Variants in CFAP299 observed in about 807,000 individuals in gnomAD.
CFAP299 encodes the protein cilia and flagella associated protein 299.
A neutral mutation model predicts 27.0 loss-of-function variants in CFAP299; 21 were observed. That is an observed-to-expected ratio of 0.78 (90% confidence interval 0.55 to 1.12). The LOEUF is 1.12. CFAP299 is among the 50% of genes most tolerant of loss of function. The pLI, the probability that CFAP299 is intolerant of heterozygous loss-of-function variation, is 0.00. For missense variants in CFAP299, 310 were observed against 276.6 expected, an observed-to-expected ratio of 1.12 and a Z score of -0.86; for synonymous variants, 104 against 98.1, an observed-to-expected ratio of 1.06 and a Z score of -0.36.
chr4:80,633,771 AT>A (rs1739338684), intron 3 of CFAP299, among the ~76,000 whole-genome samples: 1 of 152,150 alleles, frequency 6.6e-6, no homozygotes, highest in Admixed American at 6.5e-5. Flanking sequence ...TGGGAAAATA[AT>A]TTATTGCTTT....
At chr4:80,431,164 C>T (rs1727796625) in intron 2 of CFAP299, among the ~76,000 whole-genome samples, 1 of 152,174 alleles carries the variant, frequency 6.6e-6, no homozygotes, top group Admixed American at 6.5e-5. Context: ...TTGCTACCTC[C>T]TTCCTCTACT....
At chr4:80,489,291 G>T (rs1730992645) in intron 2 of CFAP299, among the ~76,000 whole-genome samples, 1 of 152,140 alleles carries the variant, frequency 6.6e-6, no homozygotes, top group African/African-American at 2.4e-5. Flanking sequence ...TGAAATGGCT[G>T]CAGCTTCTCA....
chr4:80,475,087 G>A (rs1241862523), intron 2 of CFAP299, among the ~76,000 whole-genome samples: 1 of 152,120 alleles, frequency 6.6e-6, no homozygotes, highest in Non-Finnish European at 1.5e-5. Flanking sequence ...AGTAAGTGTG[G>A]CCTGTTGGGG....
rs1011352948 is a variant in CFAP299 at position 80,767,130 on chromosome 4, A to G, written c.334-102863A>G. Among the ~76,000 whole-genome samples the G allele has an allele frequency of 4.5e-4, 69 of 152,250 alleles. 1 individual carries two copies. The highest frequency in any genetic ancestry group is 1.6e-3 in the African/African-American group (67 of 41,550). On this transcript the variant is annotated intron_variant, in intron 3 of 5. Coordinates refer to ENST00000358105, the MANE Select transcript of CFAP299 (RefSeq NM_152770.3). ...ATATACAAATACATACAAAATACAT[A>G]CATTGTATGTATTTTCCTCTATGTA...
intron 3 of CFAP299, among the ~76,000 whole-genome samples, chr4:80,698,143 G>A (rs1276119324): frequency 6.6e-6 from 1 of 152,142 alleles, no homozygotes; most frequent in African/African-American, 2.4e-5. Context: ...TCCTAGTTAT[G>A]TATGACTCTG....
At chr4:80,833,716 CA>C (rs1246455945) in intron 3 of CFAP299, among the ~76,000 whole-genome samples, 2 of 152,190 alleles carry the variant, frequency 1.3e-5, no homozygotes, top group African/African-American at 4.8e-5. Flanking sequence ...TGCAAGTAAA[CA>C]GTGGAATCTA....
At chr4:80,785,473 A>G (rs1274071398) in intron 3 of CFAP299, among the ~76,000 whole-genome samples, 1 of 152,176 alleles carries the variant, frequency 6.6e-6, no homozygotes, top group East Asian at 1.9e-4. Flanking sequence ...CCAGAATTTC[A>G]ATAGATACTC....
intron 2 of CFAP299, among the ~76,000 whole-genome samples, chr4:80,459,679 G>A (rs1411050333): frequency 1.3e-5 from 2 of 152,074 alleles, no homozygotes; most frequent in Non-Finnish European, 2.9e-5. Context: ...AAAAAAAACA[G>A]AAAAACTGAT....
At chr4:80,738,621 A>T (rs1421755817) in intron 3 of CFAP299, among the ~76,000 whole-genome samples, 2 of 148,036 alleles carry the variant, frequency 1.4e-5, no homozygotes, top group African/African-American at 2.5e-5. Context: ...TGTGAACTTT[A>T]TAGGTGAATT....
intron 4 of CFAP299, among the ~76,000 whole-genome samples, chr4:80,913,125 A>G (rs145133552): frequency 1.3e-5 from 2 of 152,338 alleles, no homozygotes; most frequent in East Asian, 3.9e-4. Context: ...ATCTAAGGAC[A>G]TTACTGTCAG....
intron 2 of CFAP299, among the ~76,000 whole-genome samples, chr4:80,377,214 T>G (rs967417869): frequency 1.3e-5 from 2 of 152,124 alleles, no homozygotes; most frequent in Non-Finnish European, 2.9e-5. Flanking sequence ...ACAAGTATCT[T>G]TTCTATATTT....
rs34671713 is a variant in CFAP299 at position 80,476,960 on chromosome 4, CGT to C, written c.243-106110_243-106109del. Among the ~76,000 whole-genome samples, 643 of 106,284 alleles carry C rather than the reference CGT, an allele frequency of 6.0e-3. 4 individuals carry two copies. Among genetic ancestry groups the C allele is most frequent in the African/African-American group, 0.011 (341 of 32,012 alleles). The allele number at this position is 106,284 out of a possible 152,430, so 69.7% of individuals were successfully genotyped here. ...GTGTGTGTGCGTGTGTGTGCGCATG[CGT>C]GTGTGTGTGTGTGTGTGTGTGTCTT... On this transcript the variant is annotated intron_variant, in intron 2 of 5. Coordinates refer to ENST00000358105, the MANE Select transcript of CFAP299 (RefSeq NM_152770.3).
At chr4:80,377,532 A>G (rs1724478659) in intron 2 of CFAP299, among the ~76,000 whole-genome samples, 2 of 150,054 alleles carry the variant, frequency 1.3e-5, no homozygotes, top group Admixed American at 6.7e-5. Context: ...ATCAGGTAAT[A>G]TGAGTCCTCA....
chr4:80,711,553 T>C (rs1722173519), intron 3 of CFAP299, among the ~76,000 whole-genome samples: 1 of 152,124 alleles, frequency 6.6e-6, no homozygotes, highest in Non-Finnish European at 1.5e-5. Context: ...AACAGGTAGA[T>C]AACATTATAT....
intron 4 of CFAP299, among the ~76,000 whole-genome samples, chr4:80,885,611 C>A (rs1027288068): frequency 1.3e-5 from 2 of 152,122 alleles, no homozygotes; most frequent in Admixed American, 1.3e-4. Flanking sequence ...TCAAGACACA[C>A]CCTGGGCCAA....
intron 3 of CFAP299, among the ~76,000 whole-genome samples, chr4:80,634,212 G>A (rs766328781): frequency 2.0e-5 from 3 of 151,934 alleles, no homozygotes; most frequent in Non-Finnish European, 4.4e-5. Flanking sequence ...TTGAACTCCT[G>A]ACCTCATGAT....
intron 3 of CFAP299, among the ~76,000 whole-genome samples, chr4:80,601,764 G>A (rs952686954): frequency 3.3e-5 from 5 of 152,072 alleles, no homozygotes; most frequent in African/African-American, 7.2e-5. Flanking sequence ...GGAAGAGTAA[G>A]GGACAGAACA....
intron 1 of CFAP299, among the ~76,000 whole-genome samples, chr4:80,341,020 C>T (rs1310369212): frequency 6.6e-6 from 1 of 152,194 alleles, no homozygotes; most frequent in Non-Finnish European, 1.5e-5. Context: ...AGGTGATCCA[C>T]CCGCCTTGGC....
At chr4:80,705,549 G>A (rs1369103683) in intron 3 of CFAP299, among the ~76,000 whole-genome samples, 3 of 151,748 alleles carry the variant, frequency 2.0e-5, no homozygotes, top group Admixed American at 6.6e-5. Flanking sequence ...AAAGGAGTTT[G>A]GAACAATTCT....
Sources: allele counts gnomAD v4.1 joint callset (sites outside exome capture counted in the v4.1 genomes callset), GRCh38; gene constraint gnomAD v4.1.1; transcripts MANE v1.5; gene names NCBI Gene and HGNC (gene_info 2026-07-23, HGNC 2026-07-21).